KCNQ5: variants seen among roughly 807,000 people sequenced by gnomAD.
KCNQ5 encodes the protein potassium voltage-gated channel subfamily KQT member 5.
KCNQ5 carries 30 observed loss-of-function variants against 98.2 expected under a neutral mutation model. The observed-to-expected ratio is 0.31, with a 90% CI of 0.23 to 0.41. The LOEUF is 0.41. KCNQ5 is among the 10% of genes least tolerant of loss of function. The probability of loss-of-function intolerance (pLI) is 1.00; values close to 1 mark genes in which losing one functional copy is unlikely to be tolerated. For synonymous variants in KCNQ5, 458 were observed against 449.4 expected, an observed-to-expected ratio of 1.02 and a Z score of -0.24; for missense variants, 835 against 1,182.5, an observed-to-expected ratio of 0.71 and a Z score of 4.31.
intron 1 of KCNQ5, among the ~76,000 whole-genome samples, chr6:72,878,914 T>A (rs1429332335): frequency 6.6e-6 from 1 of 152,190 alleles, no homozygotes; most frequent in Non-Finnish European, 1.5e-5. Context: ...TAGATGTGAT[T>A]TGCTAAGATC....
chr6:72,853,155 A>T (rs1327225978), intron 1 of KCNQ5, among the ~76,000 whole-genome samples: 4 of 152,286 alleles, frequency 2.6e-5, no homozygotes, highest in Middle Eastern at 3.4e-3. Context: ...GATAGACTTT[A>T]GTCAAAGCGA....
chr6:72,933,621 C>G (rs1410639892), intron 1 of KCNQ5, among the ~76,000 whole-genome samples: 1 of 152,126 alleles, frequency 6.6e-6, no homozygotes, highest in Admixed American at 6.5e-5. Flanking sequence ...ACTTATCTTC[C>G]ACTCCATAAA....
chr6:73,007,052 C>G (rs1334487717), intron 2 of KCNQ5, among the ~76,000 whole-genome samples: 1 of 152,074 alleles, frequency 6.6e-6, no homozygotes, highest in South Asian at 2.1e-4. Context: ...TCCTGGGGGC[C>G]CCCATAAGGA....
At chr6:73,070,340 T>C (rs1773247327) in intron 3 of KCNQ5, among the ~76,000 whole-genome samples, 2 of 152,180 alleles carry the variant, frequency 1.3e-5, no homozygotes, top group South Asian at 4.1e-4. Flanking sequence ...TAGATGGTAT[T>C]GGGAAAATTG....
At chr6:72,942,254 C>G (rs1437475022) in intron 1 of KCNQ5, among the ~76,000 whole-genome samples, 2 of 152,188 alleles carry the variant, frequency 1.3e-5, no homozygotes, top group Non-Finnish European at 1.5e-5. Flanking sequence ...TTTCCATTTA[C>G]AGAATCACAC....
intron 1 of KCNQ5, among the ~76,000 whole-genome samples, chr6:72,786,338 G>A (rs991263695): frequency 2.6e-5 from 4 of 152,102 alleles, no homozygotes; most frequent in South Asian, 2.1e-4. Flanking sequence ...CTGGATGTTA[G>A]CCCTTTGTCA....
At chr6:72,896,992 C>A (rs1332898642) in intron 1 of KCNQ5, among the ~76,000 whole-genome samples, 1 of 151,868 alleles carries the variant, frequency 6.6e-6, no homozygotes, top group East Asian at 1.9e-4. Context: ...GTAGTAAATT[C>A]TTATCTACCA....
chr6:72,997,956 T>C (rs1336096716), intron 1 of KCNQ5, among the ~76,000 whole-genome samples: 1 of 152,204 alleles, frequency 6.6e-6, no homozygotes, highest in Non-Finnish European at 1.5e-5. Context: ...TCATATTTAA[T>C]TTTTATTGCT....
chr6:73,181,078 T>C (rs1486230899), intron 11 of KCNQ5, among the ~76,000 whole-genome samples: 2 of 152,218 alleles, frequency 1.3e-5, no homozygotes, highest in Admixed American at 6.5e-5. Context: ...CATGTGTTCG[T>C]GTGTATATAT....
intron 5 of KCNQ5, among the ~76,000 whole-genome samples, chr6:73,098,947 A>G (rs942508458): frequency 6.6e-5 from 10 of 152,198 alleles, no homozygotes; most frequent in Non-Finnish European, 1.0e-4. Context: ...GCTTTTCAAG[A>G]TATACACAGC....
intron 1 of KCNQ5, among the ~76,000 whole-genome samples, chr6:72,925,469 A>T (rs1780594337): frequency 6.6e-6 from 1 of 152,252 alleles, no homozygotes; most frequent in Non-Finnish European, 1.5e-5. Context: ...ATATTCATTT[A>T]TGCATTCAAA....
In KCNQ5 at chr6:73,194,479, T is replaced by C. The variant is rs376793772; in HGVS notation, c.1864T>C (p.Cys622Arg). 6.2e-7 allele frequency: 1 copy of C among 1,613,914 alleles called. No homozygotes were observed. Among genetic ancestry groups the C allele is most frequent in the African/African-American group, 1.3e-5 (1 of 74,932 alleles). Residue 622 changes from cysteine (C) to arginine (R), a missense_variant, in exon 14 of 14, where the codon TGC becomes CGC. By Grantham distance (180) the Cys-to-Arg change is radical (BLOSUM62 -3). Around this residue, in one of 10 missense-constraint regions of KCNQ5, gnomAD observed 416 missense variants for 446.9 expected, o/e 0.93. Coordinates refer to ENST00000370398, the MANE Select transcript of KCNQ5 (RefSeq NM_019842.4). The stretch of plus-strand genomic sequence containing the variant: ...ACAGTCCATAGAATCCAAGCTGGAC[T>C]GCCTACTAGACATCTATCAACAGGT... ...QVQSIESKLD[C>R]LLDIYQQVLR... is the part of the protein sequence containing the mutation.
At chr6:73,168,073 C>A (rs7763514) in intron 10 of KCNQ5, among the ~76,000 whole-genome samples, 10 of 152,162 alleles carry the variant, frequency 6.6e-5, no homozygotes, top group African/African-American at 1.7e-4. Flanking sequence ...AAAGGGACCT[C>A]GAAGAAGAGC....
chr6:72,958,078 C>CT (rs548283784), intron 1 of KCNQ5, among the ~76,000 whole-genome samples: 49 of 149,440 alleles, frequency 3.3e-4, no homozygotes, highest in Non-Finnish European at 5.5e-4. Flanking sequence ...GGTGCTCCAT[C>CT]TTTTTTTTTT....
chr6:73,060,002 AG>A (rs1772709475), intron 3 of KCNQ5, among the ~76,000 whole-genome samples: 1 of 152,194 alleles, frequency 6.6e-6, no homozygotes, highest in African/African-American at 2.4e-5. Flanking sequence ...TAATGACATT[AG>A]TTAGAGCCTT....
At chr6:72,962,270 T>C (rs950708098) in intron 1 of KCNQ5, among the ~76,000 whole-genome samples, 2 of 136,622 alleles carry the variant, frequency 1.5e-5, no homozygotes, top group South Asian at 2.2e-4. Flanking sequence ...TATATATACA[T>C]ATATATATAT....
chr6:73,034,286 C>T (rs573152558), intron 2 of KCNQ5, among the ~76,000 whole-genome samples: 10 of 152,212 alleles, frequency 6.6e-5, no homozygotes, highest in African/African-American at 2.4e-4. Context: ...TAAGTATATG[C>T]ACACACACAA....
intron 1 of KCNQ5, among the ~76,000 whole-genome samples, chr6:72,979,215 T>C (rs971897731): frequency 2.6e-5 from 4 of 152,186 alleles, no homozygotes; most frequent in African/African-American, 9.7e-5. Flanking sequence ...CTGGGTGAAA[T>C]GGTATTTCTA....
At chr6:72,938,759 G>T (rs1016329685) in intron 1 of KCNQ5, among the ~76,000 whole-genome samples, 2 of 152,074 alleles carry the variant, frequency 1.3e-5, no homozygotes, top group African/African-American at 2.4e-5. Context: ...AAAAAATAAA[G>T]CATGGTTCCT....
Sources: allele counts gnomAD v4.1 joint callset (sites outside exome capture counted in the v4.1 genomes callset), GRCh38; gene constraint gnomAD v4.1.1; regional missense constraint gnomAD v4.1.1; transcripts MANE v1.5; gene names NCBI Gene and HGNC (gene_info 2026-07-23, HGNC 2026-07-21).